ATP8A2: variants seen among roughly 807,000 people sequenced by gnomAD.
ATP8A2 encodes the protein phospholipid-transporting ATPase IB.
ATP8A2 carries 100 observed loss-of-function variants against 165.6 expected under a neutral mutation model. That is an observed-to-expected ratio of 0.60 (90% CI 0.51 to 0.71). The LOEUF (loss-of-function observed/expected upper bound fraction) is 0.71. Ranked by LOEUF, ATP8A2 falls within the 30% of genes least tolerant of loss-of-function variation. The pLI is 0.00. For missense variants in ATP8A2, 1,227 were observed against 1,479.5 expected (o/e 0.83, Z 2.80); for synonymous variants, 543 against 548.8 (o/e 0.99, Z 0.15).
intron 1 of ATP8A2, among the ~76,000 whole-genome samples, chr13:25,443,229 T>A (rs910677356): frequency 6.6e-6 from 1 of 152,226 alleles, no homozygotes; most frequent in Non-Finnish European, 1.5e-5. Flanking sequence ...GAATAAAAGT[T>A]GAGTTTGAAG....
intron 24 of ATP8A2, among the ~76,000 whole-genome samples, chr13:25,593,628 C>T (rs1452041889): frequency 6.6e-6 from 1 of 152,160 alleles, no homozygotes; most frequent in African/African-American, 2.4e-5. Flanking sequence ...TTGCCACTGG[C>T]ATCCTCAATT....
At chr13:25,882,452 C>A (rs1019421625) in intron 33 of ATP8A2, among the ~76,000 whole-genome samples, 28 of 152,090 alleles carry the variant, frequency 1.8e-4, no homozygotes, top group African/African-American at 5.3e-4. Flanking sequence ...ATAACCTGTT[C>A]GCATCCACTT....
At chr13:25,573,190 T>A (rs970185258) in intron 18 of ATP8A2, among the ~76,000 whole-genome samples, 5 of 152,172 alleles carry the variant, frequency 3.3e-5, no homozygotes, top group Non-Finnish European at 7.3e-5. Flanking sequence ...GATTTTCAGT[T>A]GTGTGGGTGC....
chr13:25,580,766 T>C (rs1359045764), intron 22 of ATP8A2, among the ~76,000 whole-genome samples: 1 of 152,184 alleles, frequency 6.6e-6, no homozygotes, highest in Non-Finnish European at 1.5e-5. Context: ...ACTCCTGGGC[T>C]CAAGCAGTCC....
intron 25 of ATP8A2, among the ~76,000 whole-genome samples, chr13:25,711,677 C>T (rs1219520718): frequency 6.6e-6 from 1 of 152,164 alleles, no homozygotes; most frequent in Non-Finnish European, 1.5e-5. Flanking sequence ...TGTTAGACTT[C>T]CACTAGGGTC....
intron 2 of ATP8A2, among the ~76,000 whole-genome samples, chr13:25,521,965 TC>T (rs2037685851): frequency 6.6e-6 from 1 of 152,224 alleles, no homozygotes; most frequent in Admixed American, 6.5e-5. Context: ...GATTTGTGGT[TC>T]CATATAAACG....
Position 25,540,383 on chromosome 13 carries a change from C to G in ATP8A2, c.646C>G (p.Arg216Gly), listed in dbSNP as rs1383273159. Residue 216 changes from arginine (R) to glycine (G), a missense_variant, in exon 8 of 37, where the codon CGT becomes GGT. By Grantham distance (125) the Arg-to-Gly change is moderately radical. Transcript: ENST00000381655. ...NLDGETNLKI[R>G]QGLSHTADMQ... Reference sequence around the variant, plus strand: ...GGATGGGGAGACGAACCTTAAAATACGTCAGGTAAAGTCACCTCTGATGAC... The same window carrying G: ...GGATGGGGAGACGAACCTTAAAATAGGTCAGGTAAAGTCACCTCTGATGAC... 2.9e-5 allele frequency: 46 copies of G among 1,610,924 alleles called. No individual in the cohort carries two copies. Among genetic ancestry groups the G allele is most frequent in the Non-Finnish European group, 3.6e-5 (42 of 1,177,238 alleles).
intron 33 of ATP8A2, among the ~76,000 whole-genome samples, chr13:25,945,171 G>T (rs1955179832): frequency 1.3e-5 from 2 of 152,198 alleles, no homozygotes; most frequent in African/African-American, 4.8e-5. Context: ...CTTGTTGGAA[G>T]TCGGAATGAT....
At chr13:25,883,036 C>T (rs1953032336) in intron 33 of ATP8A2, among the ~76,000 whole-genome samples, 1 of 152,084 alleles carries the variant, frequency 6.6e-6, no homozygotes, top group Admixed American at 6.5e-5. Flanking sequence ...CACACTGTAC[C>T]TATTCTCTAT....
intron 33 of ATP8A2, among the ~76,000 whole-genome samples, chr13:25,936,312 C>T (rs1360034175): frequency 6.6e-6 from 1 of 152,144 alleles, no homozygotes; most frequent in African/African-American, 2.4e-5. Context: ...GCACTGGACA[C>T]AGAACAGATG....
At chr13:25,671,164 T>C (rs1005551969) in intron 24 of ATP8A2, among the ~76,000 whole-genome samples, 3 of 152,224 alleles carry the variant, frequency 2.0e-5, no homozygotes, top group African/African-American at 7.2e-5. Context: ...ACATAAATTG[T>C]TAAGATTTCA....
chr13:25,890,259 A>G (rs1054387657), intron 33 of ATP8A2, among the ~76,000 whole-genome samples: 35 of 152,212 alleles, frequency 2.3e-4, no homozygotes, highest in African/African-American at 8.2e-4. Flanking sequence ...TTCCAAATAT[A>G]TATCTTTAGC....
chr13:25,450,486 G>T (rs1268384730), intron 1 of ATP8A2, among the ~76,000 whole-genome samples: 2 of 152,074 alleles, frequency 1.3e-5, no homozygotes, highest in African/African-American at 4.8e-5. Context: ...GCAAGGATCT[G>T]TTATTTTTTT....
chr13:25,866,608 TACACACACAGAGACACACAATGC>T (rs1952515068), intron 33 of ATP8A2, among the ~76,000 whole-genome samples: 1 of 152,014 alleles, frequency 6.6e-6, no homozygotes, highest in African/African-American at 2.4e-5. Context: ...GGCAATCACG[TACACACACAGAGACACACAATGC>T]ACACACACAG....
intron 1 of ATP8A2, among the ~76,000 whole-genome samples, chr13:25,412,844 G>A (rs1170352930): frequency 6.6e-6 from 1 of 152,114 alleles, no homozygotes; most frequent in African/African-American, 2.4e-5. Context: ...GGGGGGGGAT[G>A]GAGTCTTGCT....
intron 24 of ATP8A2, among the ~76,000 whole-genome samples, chr13:25,647,125 T>C (rs2041694892): frequency 6.6e-6 from 1 of 152,224 alleles, no homozygotes; most frequent in South Asian, 2.1e-4. Flanking sequence ...TTTTAACCCT[T>C]GTACAAGGAA....
chr13:25,659,605 T>C (rs1032942942), intron 24 of ATP8A2, among the ~76,000 whole-genome samples: 2 of 152,228 alleles, frequency 1.3e-5, no homozygotes, highest in African/African-American at 4.8e-5. Context: ...TCCAGTTCGG[T>C]AGGCTTTTCC....
intron 10 of ATP8A2, among the ~76,000 whole-genome samples, chr13:25,548,661 G>A (rs1046008928): frequency 4.6e-5 from 7 of 152,130 alleles, no homozygotes; most frequent in Non-Finnish European, 8.8e-5. Context: ...TGATAAGTTG[G>A]CCTTTACTAA....
At chr13:25,474,306 A>C (rs540001332) in intron 2 of ATP8A2, among the ~76,000 whole-genome samples, 3 of 152,358 alleles carry the variant, frequency 2.0e-5, no homozygotes, top group African/African-American at 7.2e-5. Flanking sequence ...TCGCGCCTAT[A>C]ATCCCAGCAC....
Sources: gnomAD v4.1 joint callset for allele counts (sites outside exome capture counted in the v4.1 genomes callset) on GRCh38, gnomAD v4.1.1 for gene constraint, MANE v1.5 for transcripts, NCBI Gene and HGNC (gene_info 2026-07-23, HGNC 2026-07-21) for gene names.